The following COL28A1 variants were observed in gnomAD, a reference collection of about 807,000 sequenced individuals.
COL28A1 encodes the protein collagen type XXVIII alpha 1 chain, also known as collagen alpha-1(XXVIII) chain.
COL28A1 carries 161 observed loss-of-function variants against 150.2 expected under a neutral mutation model. That is an observed-to-expected ratio of 1.07 (90% CI 0.94 to 1.22). COL28A1 has a LOEUF of 1.22. Ranked by LOEUF, COL28A1 falls within the 50% of genes most tolerant of loss-of-function variation. The probability of loss-of-function intolerance (pLI) is 0.00; values close to 1 mark genes in which losing one functional copy is unlikely to be tolerated. For synonymous variants in COL28A1, 552 were observed against 469.7 expected (o/e 1.18, Z -2.26); for missense variants, 1,617 against 1,388.3 (o/e 1.16, Z -2.62).
At position 7,505,921 on chromosome 7, in the gene COL28A1, G is replaced by A; in HGVS notation, c.1026+93C>T. 3.8e-6 allele frequency: 3 copies of A among 783,108 alleles called. No individual in the cohort carries two copies. In the Admixed American group the frequency reaches 5.6e-5, roughly 15 times the overall value. The allele number at this position is 783,108 out of a possible 1,614,324, so 48.5% of individuals were successfully genotyped here. On this transcript the variant is annotated intron_variant, in intron 11 of 34. Coordinates refer to ENST00000399429, the MANE Select transcript of COL28A1 (RefSeq NM_001037763.3). ...GCATTTCCAAAGGTACTTCCTCAAA[G>A]AATCCATTGACTTTTACCTAATAAA...
chr7:7,343,910 A>C, the COL28A1 span, among the ~76,000 whole-genome samples: 1 of 151,986 alleles, frequency 6.6e-6, no homozygotes, highest in African/African-American at 2.4e-5. Context: ...CGGGAGGCTG[A>C]GGTGGGAGGA....
intron 15 of COL28A1, among the ~76,000 whole-genome samples, chr7:7,471,125 T>TAAAA (rs746981344): frequency 0.081 from 7,082 of 87,248 alleles, 186 homozygotes; most frequent in East Asian, 0.11. Flanking sequence ...AAAAAATAAT[T>TAAAA]AAAAAAAAAA....
rs372076660 is a variant in COL28A1 at position 7,440,835 on chromosome 7, T to C, written c.1677A>G (p.Lys559=). The change falls in exon 21 of 35, where the codon AAA becomes AAG. Residue 559 remains lysine, a synonymous_variant. Transcript: ENST00000399429. ...PKGDEGKKGS[K]GNQGQRGLPG... is the part of the protein sequence containing the mutation. Reference sequence around the variant, plus strand: ...GAAGTCCCCTCTGTCCTTGATTTCCTTTGCTCCCTTTCTTGCCTTCGTCAC... The same window carrying C: ...GAAGTCCCCTCTGTCCTTGATTTCCCTTGCTCCCTTTCTTGCCTTCGTCAC... 158 of 1,555,910 alleles carry C rather than the reference T, an allele frequency of 1.0e-4. No individual in the cohort carries two copies. The African/African-American group carries it at 1.9e-3, about 19-fold the overall frequency.
chr7:7,352,288 T>G (rs1294619), downstream of COL28A1, among the ~76,000 whole-genome samples: 13,334 of 152,206 alleles, frequency 0.088, 2,030 homozygotes, highest in African/African-American at 0.31. Flanking sequence ...GTCTTCGCTC[T>G]TAAGTAGCTC....
intron 11 of COL28A1, among the ~76,000 whole-genome samples, chr7:7,494,500 A>G (rs1780098456): frequency 6.6e-6 from 1 of 152,226 alleles, no homozygotes; most frequent in Non-Finnish European, 1.5e-5. Flanking sequence ...GCCTTGTAGC[A>G]TTGTTGAGAG....
At chr7:7,339,108 C>T in the COL28A1 span, among the ~76,000 whole-genome samples, 5 of 152,068 alleles carry the variant, frequency 3.3e-5, no homozygotes, top group Non-Finnish European at 5.9e-5. Context: ...CCAACTCATT[C>T]GTAGATATTT....
rs370516802 is a variant in COL28A1, at chr7:7,521,887, A to C, written c.759+18T>G. On this transcript the variant is annotated intron_variant, in intron 5 of 34. Coordinates refer to ENST00000399429, the MANE Select transcript of COL28A1 (RefSeq NM_001037763.3). ...GCTAGGACTTTCTGACTTAAGTTCAAAGTGGAAGTATACTCACAGGAGGCC... is the reference window on the plus strand; with the variant it reads ...GCTAGGACTTTCTGACTTAAGTTCACAGTGGAAGTATACTCACAGGAGGCC... 3 of 957,130 alleles carry C rather than the reference A, an allele frequency of 3.1e-6. No individual in the cohort carries two copies. The highest frequency in any genetic ancestry group is 5.2e-6 in the Non-Finnish European group (3 of 579,176). The allele number at this position is 957,130 out of a possible 1,614,324, so 59.3% of individuals were successfully genotyped here. A position where few individuals can be genotyped will look rare whatever the true frequency, so the allele number is the denominator to read the frequency against.
chr7:7,506,541 C>G (rs1470860425), intron 10 of COL28A1, among the ~76,000 whole-genome samples: 1 of 152,076 alleles, frequency 6.6e-6, no homozygotes, highest in Non-Finnish European at 1.5e-5. Context: ...TTATAATTTT[C>G]TGTAGGCTTT....
chr7:7,391,801 CTTTTT>C (rs33991942), intron 27 of COL28A1, among the ~76,000 whole-genome samples: 52 of 115,846 alleles, frequency 4.5e-4, no homozygotes, highest in Middle Eastern at 4.8e-3. Flanking sequence ...GCAACCCCTG[CTTTTT>C]TTTTTTTTTT....
chr7:7,482,099 A>G (rs1485930398), intron 13 of COL28A1, among the ~76,000 whole-genome samples: 2 of 152,272 alleles, frequency 1.3e-5, no homozygotes, highest in African/African-American at 2.4e-5. Context: ...TTAGTGTGGT[A>G]GTGAAAAGAG....
At chr7:7,461,205 G>A (rs1035527544) in intron 15 of COL28A1, among the ~76,000 whole-genome samples, 2 of 152,200 alleles carry the variant, frequency 1.3e-5, no homozygotes, top group African/African-American at 4.8e-5. Flanking sequence ...GCGAAATACA[G>A]GAGTAGAGAA....
intron 5 of COL28A1, among the ~76,000 whole-genome samples, 181 bp from the exon 6 acceptor site, chr7:7,520,296 T>A (rs910973073): frequency 1.3e-5 from 2 of 152,230 alleles, no homozygotes; most frequent in African/African-American, 2.4e-5. Flanking sequence ...CTGTCTTGAA[T>A]TGGCAGATTT....
intron 2 of COL28A1, among the ~76,000 whole-genome samples, chr7:7,532,486 A>C (rs547533418): frequency 6.4e-4 from 98 of 152,140 alleles, no homozygotes; most frequent in African/African-American, 2.1e-3. Context: ...TTTAATCTAC[A>C]CTATGAGTGG....
At chr7:7,448,177 T>C (rs1786412037) in intron 18 of COL28A1, among the ~76,000 whole-genome samples, 2 of 152,306 alleles carry the variant, frequency 1.3e-5, no homozygotes, top group Middle Eastern at 3.4e-3. Context: ...CTATAACTCA[T>C]AGATCTAAGA....
intron 34 of COL28A1, 93 bp downstream of exon 34, chr7:7,360,297 T>C: frequency 8.0e-7 from 1 of 1,242,518 alleles, no homozygotes; most frequent in Non-Finnish European, 1.1e-6. Flanking sequence ...GTAGATACAG[T>C]AGCAGATTGG....
At chr7:7,372,902 C>G in intron 32 of COL28A1, 96 bp downstream of exon 32, 1 of 981,706 alleles carries the variant, frequency 1.0e-6, no homozygotes, top group Non-Finnish European at 1.5e-6. Flanking sequence ...CCTTATTAGC[C>G]TCCAGATTTT....
intron 20 of COL28A1, among the ~76,000 whole-genome samples, chr7:7,441,119 TTTTG>T (rs544353436): frequency 5.2e-4 from 79 of 152,364 alleles, no homozygotes; most frequent in African/African-American, 1.9e-3. Flanking sequence ...CTTTTGGAAC[TTTTG>T]TTTGAATTTA....
chr7:7,348,337 G>A, the COL28A1 span, among the ~76,000 whole-genome samples: 1 of 151,992 alleles, frequency 6.6e-6, no homozygotes, highest in Non-Finnish European at 1.5e-5. Flanking sequence ...CTTAAGATTA[G>A]GAGATGCTAA....
At position 7,527,027 on chromosome 7, in the gene COL28A1, T is replaced by C. The variant is rs530837865; in HGVS notation, c.682-2778A>G. On this transcript the variant is annotated intron_variant, in intron 3 of 34. Coordinates refer to ENST00000399429, the MANE Select transcript of COL28A1 (RefSeq NM_001037763.3). Reference sequence around the variant, plus strand: ...TTTTATACTTTTTTCAGTTCTTTCTTTTAAAATTCAATTTCTTCTTTGCCA... The same window carrying C: ...TTTTATACTTTTTTCAGTTCTTTCTCTTAAAATTCAATTTCTTCTTTGCCA... 3.9e-5 allele frequency among the ~76,000 whole-genome samples: 6 copies of C among 152,384 alleles called. No homozygotes were observed. In the South Asian group the frequency reaches 1.2e-3, roughly 32 times the overall value.
Sources: gnomAD v4.1 joint callset for allele counts (sites outside exome capture counted in the v4.1 genomes callset) on GRCh38, gnomAD v4.1.1 for gene constraint, MANE v1.5 for transcripts, NCBI Gene and HGNC (gene_info 2026-07-23, HGNC 2026-07-21) for gene names.